The following ATG16L2 variants were observed in gnomAD, a reference collection of about 807,000 sequenced individuals.
The protein encoded by ATG16L2 is autophagy related 16 like 2, also known as protein Atg16l2.
A neutral mutation model predicts 84.7 loss-of-function variants in ATG16L2; 77 were observed. The ratio of observed to expected loss-of-function variants is 0.91; its 90% CI spans 0.76 to 1.10. The LOEUF (loss-of-function observed/expected upper bound fraction) is 1.10. ATG16L2 is among the 50% of genes least tolerant of loss of function. The probability of loss-of-function intolerance (pLI) is 0.00; values close to 1 mark genes in which losing one functional copy is unlikely to be tolerated. For synonymous variants in ATG16L2, 361 were observed against 342.8 expected (o/e 1.05, Z -0.59); for missense variants, 782 against 817.6 (o/e 0.96, Z 0.53).
At chr11:72,827,013 C>T (rs1429004221) in intron 13 of ATG16L2, 175 bp from the exon 14 acceptor site, 2 of 871,018 alleles carry the variant, frequency 2.3e-6, no homozygotes, top group East Asian at 5.3e-5. Flanking sequence ...TTCTTGGTGA[C>T]CTCAGGCTGT....
chr11:72,827,126 C>A (rs1001439885), intron 13 of ATG16L2, 62 bp from the exon 14 acceptor site: 8 of 1,319,736 alleles, frequency 6.1e-6, no homozygotes, highest in Admixed American at 1.7e-5. Flanking sequence ...CTCCATATGT[C>A]CTGTGGGGTG....
At chr11:72,834,574 TCATTC>T (rs1325367340), downstream of ATG16L2, among the ~76,000 whole-genome samples, 4 of 151,548 alleles carry the variant, frequency 2.6e-5, no homozygotes, top group Non-Finnish European at 5.9e-5. Context: ...GGAGATAACC[TCATTC>T]CATTCCTTTT....
intron 11 of ATG16L2, 21 bp from the exon 12 acceptor site, chr11:72,826,497 C>G: frequency 6.2e-7 from 1 of 1,613,804 alleles, no homozygotes. Flanking sequence ...GCACCTCTCA[C>G]TTCCTCTCCC....
downstream of ATG16L2, among the ~76,000 whole-genome samples, chr11:72,832,349 C>T (rs1169589558): frequency 2.6e-5 from 4 of 152,164 alleles, no homozygotes; most frequent in Non-Finnish European, 5.9e-5. Flanking sequence ...CACATGTTCA[C>T]CTTAACTTGC....
At chr11:72,827,143 G>A (rs768793777) in intron 13 of ATG16L2, 45 bp from the exon 14 acceptor site, 50 of 1,516,938 alleles carry the variant, frequency 3.3e-5, no homozygotes, top group Middle Eastern at 1.7e-4. Flanking sequence ...GGTGGCTCCC[G>A]ACAACCCTCC....
At position 72,828,882 on chromosome 11, in the gene ATG16L2, G is replaced by A; in HGVS notation, c.1671-1G>A. 6.2e-7 allele frequency: 1 copy of A among 1,614,196 alleles called. No individual in the cohort carries two copies. Among genetic ancestry groups the A allele is most frequent in the Non-Finnish European group, 8.5e-7 (1 of 1,180,024 alleles). On this transcript the variant is annotated splice_acceptor_variant, in intron 16 of 17. Transcript: ENST00000321297. LOFTEE classifies it high-confidence loss of function. ...TTCTTGCTCTGCTGTGGCCACTACA[G>A]CCCGGACAGAAGCTATGCACTGGCA...
intron 5 of ATG16L2, among the ~76,000 whole-genome samples, chr11:72,835,747 A>ATT (rs112275640): frequency 7.2e-5 from 10 of 139,506 alleles, no homozygotes; most frequent in South Asian, 2.3e-4. Flanking sequence ...ACTGGAACAT[A>ATT]TTTTTTTTTT....
At chr11:72,839,967 G>A (rs1860860347) in intron 5 of ATG16L2, among the ~76,000 whole-genome samples, 1 of 152,192 alleles carries the variant, frequency 6.6e-6, no homozygotes, top group African/African-American at 2.4e-5. Flanking sequence ...CAGAAAGGTA[G>A]GACCAGAGAG....
At chr11:72,815,303 C>T (rs918122876) in intron 1 of ATG16L2, among the ~76,000 whole-genome samples, 1 of 152,214 alleles carries the variant, frequency 6.6e-6, no homozygotes, top group Non-Finnish European at 1.5e-5. Context: ...CCCTGCGGCT[C>T]TCTCACTGGG....
In ATG16L2 at chr11:72,828,439, T is replaced by C; in HGVS notation, c.1553T>C (p.Leu518Pro). 6.2e-7 allele frequency: 1 copy of C among 1,613,986 alleles called. No homozygotes were observed. ...LSLSHDQLHL[L>P]SCSRDNTLKV... is the part of the protein sequence containing the mutation. ...CTCAGCCACGACCAACTGCACCTGC[T>C]CAGCTGTTCCCGAGACAACACACTC... Residue 518 changes from leucine to proline, a missense_variant, in exon 15 of 18, where the codon CTC becomes CCC. Leu to Pro is a moderately conservative substitution (Grantham distance 98, BLOSUM62 -3). Coordinates refer to ENST00000321297, the MANE Select transcript of ATG16L2 (RefSeq NM_033388.2).
Position 72,822,378 on chromosome 11 carries a change from A to C in ATG16L2, c.644+83A>C, listed in dbSNP as rs760598434. 6.3e-7 allele frequency: 1 copy of C among 1,580,390 alleles called. No homozygotes were observed. Among genetic ancestry groups the C allele is most frequent in the Non-Finnish European group, 8.6e-7 (1 of 1,163,666 alleles). On this transcript the variant is annotated intron_variant, in intron 5 of 17. Coordinates refer to ENST00000321297, the MANE Select transcript of ATG16L2 (RefSeq NM_033388.2). This position sits in a 1 kb window ranked among gnomAD's most constrained non-coding sequence, Gnocchi z 4.2. ...CGGGCCTCGCCGGTGTCTGGAAGGG[A>C]GGGGGGCAGCAGCCGCCCCCTGGAG... is the stretch of plus-strand genomic sequence containing the variant.
chr11:72,827,642 A>G (rs1254844381), intron 14 of ATG16L2, among the ~76,000 whole-genome samples: 1 of 152,250 alleles, frequency 6.6e-6, no homozygotes, highest in Non-Finnish European at 1.5e-5. Context: ...AATTGTTTGT[A>G]AAAGCAAAGC....
chr11:72,825,450 A>C (rs778474685), intron 10 of ATG16L2, 43 bp downstream of exon 10: 22 of 1,485,284 alleles, frequency 1.5e-5, no homozygotes, highest in Non-Finnish European at 2.1e-5. Context: ...GCTTCTCTCC[A>C]GACCCTCTCC....
chr11:72,824,615 G>A (rs1300996797), intron 8 of ATG16L2, 119 bp from the exon 9 acceptor site: 2 of 765,236 alleles, frequency 2.6e-6, no homozygotes, highest in African/African-American at 1.7e-5. Flanking sequence ...GCTCCTTGGG[G>A]CCATGTTCTG....
intron 11 of ATG16L2, 96 bp from the exon 12 acceptor site, chr11:72,826,422 C>G: frequency 6.6e-7 from 1 of 1,522,824 alleles, no homozygotes; most frequent in Non-Finnish European, 9.0e-7. Context: ...TGACCTGGGC[C>G]GTGGGAAACT....
chr11:72,834,587 T>A (rs1860678328), downstream of ATG16L2, among the ~76,000 whole-genome samples: 1 of 146,754 alleles, frequency 6.8e-6, no homozygotes, highest in Non-Finnish European at 1.5e-5. Flanking sequence ...TTCCATTCCT[T>A]TTTTTTTTTT....
chr11:72,823,174 A>G lies in ATG16L2; in HGVS notation c.824+213A>G, dbSNP rs561038009. 38 of 492,692 alleles carry G rather than the reference A, an allele frequency of 7.7e-5. No individual in the cohort carries two copies. The South Asian group carries it at 9.5e-4, about 12-fold the overall frequency. 30.5% of individuals were successfully genotyped at this position (492,692 alleles called of 1,614,324 possible). ...CTCACCCCCCCAACCCCTACCCTCA[A>G]CCCTTTCCCTCCTTCTTGGGATCAG... is the stretch of plus-strand genomic sequence containing the variant. On this transcript the variant is annotated intron_variant, in intron 7 of 17. Coordinates refer to ENST00000321297, the MANE Select transcript of ATG16L2 (RefSeq NM_033388.2).
At chr11:72,836,522 A>G (rs140264980) in intron 5 of ATG16L2, among the ~76,000 whole-genome samples, 2,734 of 152,248 alleles carry the variant, frequency 0.018, 40 homozygotes, top group Non-Finnish European at 0.025. Context: ...TGGGAAAAGC[A>G]AAGACCGTAA....
At chr11:72,823,412 C>T in intron 7 of ATG16L2, 1 of 350,674 alleles carries the variant, frequency 2.9e-6, no homozygotes, top group Non-Finnish European at 5.7e-6. Flanking sequence ...TGTGTGCTCA[C>T]ACTTGTGGGA....
Sources: allele counts gnomAD v4.1 joint callset (sites outside exome capture counted in the v4.1 genomes callset), GRCh38; gene constraint gnomAD v4.1.1; non-coding constraint Gnocchi (gnomAD v3.1); transcripts MANE v1.5; gene names NCBI Gene and HGNC (gene_info 2026-07-23, HGNC 2026-07-21).